The following BBS9 variants were observed in gnomAD, a reference collection of about 807,000 sequenced individuals.
The protein encoded by BBS9 is protein PTHB1.
In BBS9, 89 loss-of-function variants were observed where a neutral mutation model predicts 117.7. The ratio of observed to expected loss-of-function variants is 0.76; its 90% CI spans 0.64 to 0.90. BBS9 has a LOEUF of 0.90. Among genes scored for constraint, BBS9 ranks in the 40% least tolerant of loss-of-function variants. The pLI is 0.00. For synonymous variants in BBS9, 379 were observed against 370.9 expected (o/e 1.02, Z -0.25); for missense variants, 982 against 1,042.2 (o/e 0.94, Z 0.80).
chr7:33,507,843 G>A (rs1006023671), intron 20 of BBS9, among the ~76,000 whole-genome samples: 5 of 152,166 alleles, frequency 3.3e-5, no homozygotes, highest in Non-Finnish European at 5.9e-5. Flanking sequence ...TAGGGGAAGA[G>A]GTGATAAAGT....
At chr7:33,622,080 C>T (rs951733851) in intron 21 of BBS9, among the ~76,000 whole-genome samples, 1 of 152,134 alleles carries the variant, frequency 6.6e-6, no homozygotes, top group African/African-American at 2.4e-5. Context: ...TGTGGTGGCA[C>T]GCACCTGTAA....
intron 12 of BBS9, among the ~76,000 whole-genome samples, chr7:33,345,886 T>C (rs1425094642): frequency 2.0e-5 from 3 of 152,194 alleles, no homozygotes; most frequent in Admixed American, 6.5e-5. Flanking sequence ...CTCATGCTAA[T>C]TGTACCCCCA....
intron 20 of BBS9, among the ~76,000 whole-genome samples, chr7:33,517,890 A>G (rs1486502784): frequency 6.6e-6 from 1 of 152,180 alleles, no homozygotes; most frequent in Non-Finnish European, 1.5e-5. Context: ...AATCTATTTA[A>G]CAAGGATAAA....
intron 1 of BBS9, among the ~76,000 whole-genome samples, chr7:33,142,430 A>AT (rs1311805262): frequency 6.6e-6 from 1 of 152,108 alleles, no homozygotes; most frequent in Non-Finnish European, 1.5e-5. Context: ...AAAACTGTAT[A>AT]TTTTTTATTT....
intron 5 of BBS9, among the ~76,000 whole-genome samples, chr7:33,188,830 G>T (rs1783580164): frequency 6.6e-6 from 1 of 152,136 alleles, no homozygotes; most frequent in African/African-American, 2.4e-5. Flanking sequence ...CAAAGGAAAG[G>T]TGCTTTGTAA....
intron 9 of BBS9, among the ~76,000 whole-genome samples, chr7:33,324,522 A>G (rs947957750): frequency 6.6e-6 from 1 of 151,568 alleles, no homozygotes; most frequent in Non-Finnish European, 1.5e-5. Flanking sequence ...GTGTTGTACT[A>G]TTCTATGTTT....
intron 9 of BBS9, among the ~76,000 whole-genome samples, chr7:33,318,468 A>C (rs1269352284): frequency 6.6e-6 from 1 of 151,638 alleles, no homozygotes; most frequent in Non-Finnish European, 1.5e-5. Flanking sequence ...CATTGTCCCT[A>C]CCCTTCAATC....
chr7:33,337,339 T>C (rs541574638), intron 10 of BBS9, among the ~76,000 whole-genome samples: 1 of 152,184 alleles, frequency 6.6e-6, no homozygotes, highest in East Asian at 1.9e-4. Context: ...ATTTTTTTAA[T>C]GTGAAAAAAT....
chr7:33,367,691 C>A (rs1822045614), intron 16 of BBS9, 76 bp from the exon 17 acceptor site: 3 of 1,204,914 alleles, frequency 2.5e-6, no homozygotes, highest in Middle Eastern at 1.9e-4. Flanking sequence ...ACGCATCATT[C>A]AACTAAGGTT....
At chr7:33,375,853 C>T (rs1482368035) in intron 17 of BBS9, among the ~76,000 whole-genome samples, 1 of 152,040 alleles carries the variant, frequency 6.6e-6, no homozygotes, top group Non-Finnish European at 1.5e-5. Flanking sequence ...TCCCAAAGTG[C>T]TGGGATTACA....
At chr7:33,633,989 C>T (rs1866022543) in intron 21 of BBS9, among the ~76,000 whole-genome samples, 1 of 152,204 alleles carries the variant, frequency 6.6e-6, no homozygotes, top group African/African-American at 2.4e-5. Context: ...GATCTGAGAC[C>T]TAAGGACTGT....
At position 33,392,591 on chromosome 7, in the gene BBS9, G is replaced by A. The variant is rs1827245868; in HGVS notation, c.2115+4447G>A. Among the ~76,000 whole-genome samples the A allele has an allele frequency of 2.0e-5, 3 of 152,142 alleles. 1 individual carries two copies. The highest frequency in any genetic ancestry group is 2.0e-4 in the Admixed American group (3 of 15,266). On this transcript the variant is annotated intron_variant, in intron 19 of 22. Transcript: ENST00000242067. ...GGGATATAGACTTTGCCTCTTTGTTGAAGGAGTGGAGAATTGTGTACTTTT... is the reference window on the plus strand; with the variant it reads ...GGGATATAGACTTTGCCTCTTTGTTAAAGGAGTGGAGAATTGTGTACTTTT...
At chr7:33,182,443 G>A (rs536972452) in intron 5 of BBS9, among the ~76,000 whole-genome samples, 2 of 152,196 alleles carry the variant, frequency 1.3e-5, no homozygotes, top group Admixed American at 6.5e-5. Context: ...AAAATCTAAC[G>A]GCTCCACAGC....
chr7:33,203,441 C>G (rs915969994), intron 5 of BBS9, among the ~76,000 whole-genome samples: 14 of 152,270 alleles, frequency 9.2e-5, no homozygotes, highest in African/African-American at 2.4e-4. Flanking sequence ...GAACCCTGCT[C>G]TCTAGAACAG....
chr7:33,158,749 T>A (rs1448827622), intron 4 of BBS9, among the ~76,000 whole-genome samples: 1 of 152,110 alleles, frequency 6.6e-6, no homozygotes, highest in African/African-American at 2.4e-5. Flanking sequence ...TTCAGAGGGA[T>A]TGATCTGGTT....
downstream of BBS9, among the ~76,000 whole-genome samples, chr7:33,609,461 A>G (rs1319047530): frequency 1.3e-5 from 2 of 152,118 alleles, no homozygotes; most frequent in Non-Finnish European, 2.9e-5. Flanking sequence ...TGTTTTTGTT[A>G]TAATTTGCTT....
downstream of BBS9, among the ~76,000 whole-genome samples, chr7:33,608,902 T>G (rs2129212570): frequency 6.6e-6 from 1 of 152,218 alleles, no homozygotes; most frequent in African/African-American, 2.4e-5. Context: ...TTGCATTTGC[T>G]TTTGAGGACT....
intron 19 of BBS9, among the ~76,000 whole-genome samples, chr7:33,438,493 G>A (rs1372109465): frequency 3.9e-5 from 6 of 152,214 alleles, no homozygotes; most frequent in Non-Finnish European, 8.8e-5. Flanking sequence ...CAATGGATAT[G>A]TGTAGAAAAT....
At chr7:33,428,473 T>C (rs1833951210) in intron 19 of BBS9, among the ~76,000 whole-genome samples, 1 of 152,130 alleles carries the variant, frequency 6.6e-6, no homozygotes, top group African/African-American at 2.4e-5. Flanking sequence ...CTTAGTGCAG[T>C]CCAAAGTAAA....
Sources: gnomAD v4.1 joint callset for allele counts (sites outside exome capture counted in the v4.1 genomes callset) on GRCh38, gnomAD v4.1.1 for gene constraint, MANE v1.5 for transcripts, NCBI Gene and HGNC (gene_info 2026-07-23, HGNC 2026-07-21) for gene names.